HDAC4: variants seen among roughly 807,000 people sequenced by gnomAD.
HDAC4 encodes the protein histone deacetylase A.
A neutral mutation model predicts 135.1 loss-of-function variants in HDAC4; 16 were observed. The ratio of observed to expected loss-of-function variants is 0.12; its 90% confidence interval spans 0.08 to 0.18. The LOEUF (loss-of-function observed/expected upper bound fraction) is 0.18, where lower values mean the gene tolerates loss of function less well. HDAC4 is among the 10% of genes least tolerant of loss of function. HDAC4 has a pLI of 1.00. For synonymous variants in HDAC4, 685 were observed against 653.4 expected (o/e 1.05, Z -0.74); for missense variants, 1,143 against 1,511.8 (o/e 0.76, Z 4.05).
rs758680717 is a variant in HDAC4, at chr2:239,240,337, T to C, written c.23-3673A>G. On this transcript the variant is annotated intron_variant, in intron 2 of 26. Transcript: ENST00000543185. The surrounding 1 kb of genome is among the most constrained non-coding windows in gnomAD (Gnocchi z 4.5). ...GAACGCATGACGGCATCCGTGAATG[T>C]GCACAGAATAGATTCTTAACGCTGT... Among the ~76,000 whole-genome samples, 4 of 152,260 alleles carry C rather than the reference T, an allele frequency of 2.6e-5. No individual in the cohort carries two copies. The highest frequency in any genetic ancestry group is 5.9e-5 in the Non-Finnish European group (4 of 68,042).
At chr2:239,106,368 G>T (rs1308976239) in intron 15 of HDAC4, among the ~76,000 whole-genome samples, 1 of 152,202 alleles carries the variant, frequency 6.6e-6, no homozygotes, top group Non-Finnish European at 1.5e-5. Flanking sequence ...AAGGAAGCAG[G>T]TTATGGAGCT....
chr2:239,149,040 C>T (rs2041941856), intron 7 of HDAC4, among the ~76,000 whole-genome samples: 1 of 152,202 alleles, frequency 6.6e-6, no homozygotes, highest in African/African-American at 2.4e-5. Context: ...TCAGGGACGG[C>T]CGTTCTCCTA....
At position 239,068,718 on chromosome 2, in the gene HDAC4, G is replaced by T; in HGVS notation, c.2751-111C>A. The T allele has an allele frequency of 2.1e-6, 2 of 933,308 alleles. No homozygotes were observed. The highest frequency in any genetic ancestry group is 1.8e-6 in the Non-Finnish European group (1 of 568,032). 57.8% of individuals were successfully genotyped at this position (933,308 alleles called of 1,614,324 possible). A position where few individuals can be genotyped will look rare whatever the true frequency, so the allele number is the denominator to read the frequency against. On this transcript the variant is annotated intron_variant, in intron 22 of 26. Coordinates refer to ENST00000543185, the MANE Select transcript of HDAC4 (RefSeq NM_001378414.1). This position sits in a 1 kb window ranked among gnomAD's most constrained non-coding sequence, Gnocchi z 4.4. The stretch of plus-strand genomic sequence containing the variant: ...ATAATGCCTGCCCCGCACCCCCTCG[G>T]CCACTGGCGGGCTGAGGGCTCCACA...
At position 239,139,574 on chromosome 2, in the gene HDAC4, A is replaced by G. The variant is rs943065632; in HGVS notation, c.978+110T>C. The G allele has an allele frequency of 3.0e-6, 3 of 1,013,718 alleles. No individual in the cohort carries two copies. The Admixed American group carries it at 5.1e-5, about 17-fold the overall frequency. The allele number at this position is 1,013,718 out of a possible 1,614,324, so 62.8% of individuals were successfully genotyped here. On this transcript the variant is annotated intron_variant, in intron 9 of 26. Coordinates refer to ENST00000543185, the MANE Select transcript of HDAC4 (RefSeq NM_001378414.1). This position sits in a 1 kb window ranked among gnomAD's most constrained non-coding sequence, Gnocchi z 5.3. Reference sequence around the variant, plus strand: ...CTCACAGGCCACTTTCCCTCACCCCAAATTGGAAGGTGAAGAGTGAAGGGC... The same window carrying G: ...CTCACAGGCCACTTTCCCTCACCCCGAATTGGAAGGTGAAGAGTGAAGGGC...
At chr2:239,347,922 A>T (rs1361633384) in intron 2 of HDAC4, among the ~76,000 whole-genome samples, 1 of 151,656 alleles carries the variant, frequency 6.6e-6, no homozygotes, top group Non-Finnish European at 1.5e-5. Flanking sequence ...CTTCCTATCG[A>T]GAGCATCATC....
intron 2 of HDAC4, among the ~76,000 whole-genome samples, chr2:239,265,648 C>G (rs759053628): frequency 1.3e-5 from 2 of 152,204 alleles, no homozygotes; most frequent in African/African-American, 4.8e-5. Flanking sequence ...TGCCAATGCT[C>G]ACCAGGCCAC....
intron 3 of HDAC4, among the ~76,000 whole-genome samples, chr2:239,231,721 CT>C (rs1238192732): frequency 1.6e-4 from 4 of 25,372 alleles, no homozygotes; most frequent in Non-Finnish European, 2.3e-4. Flanking sequence ...CAAAGCGCCC[CT>C]GTCCTCAACC....
chr2:239,094,295 T>A (rs368063353), intron 17 of HDAC4: 2 of 985,420 alleles, frequency 2.0e-6, no homozygotes, highest in South Asian at 9.4e-5. Flanking sequence ...AGAACTCTTT[T>A]GTTATTGAGA....
rs141363182 is a variant in HDAC4, at chr2:239,087,664, G to A, written c.2389-50C>T. ...GAGAGAGCAACAAAAGACACACTTT[G>A]TAGCCACGGGAAAATGGTTGCACAC... On this transcript the variant is annotated intron_variant, in intron 18 of 26. Transcript: ENST00000543185. The A allele has an allele frequency of 1.7e-4, 271 of 1,566,368 alleles. 1 individual carries two copies. The African/African-American group carries it at 3.3e-3, about 19-fold the overall frequency.
At chr2:239,326,698 G>C (rs2053478834) in intron 2 of HDAC4, among the ~76,000 whole-genome samples, 4 of 152,152 alleles carry the variant, frequency 2.6e-5, no homozygotes, top group Admixed American at 6.5e-5. Flanking sequence ...AGAATAAATG[G>C]CAAAGCAAGG....
At chr2:239,216,575 T>C (rs1473421547) in intron 3 of HDAC4, among the ~76,000 whole-genome samples, 1 of 152,254 alleles carries the variant, frequency 6.6e-6, no homozygotes, top group Non-Finnish European at 1.5e-5. Context: ...TTTTATGTGA[T>C]GCTGAATATT....
intron 2 of HDAC4, among the ~76,000 whole-genome samples, chr2:239,249,388 C>T (rs1452675370): frequency 6.6e-6 from 1 of 152,154 alleles, no homozygotes. Flanking sequence ...CATCAGGACT[C>T]TGCGATGGAC....
intron 2 of HDAC4, among the ~76,000 whole-genome samples, chr2:239,325,400 T>C (rs1460092449): frequency 2.6e-5 from 4 of 152,132 alleles, no homozygotes; most frequent in Admixed American, 6.5e-5. Context: ...AATTCAAATA[T>C]GGGCAAAAGA....
chr2:239,396,747 C>T (rs1413444921), intron 1 of HDAC4, among the ~76,000 whole-genome samples: 6 of 152,208 alleles, frequency 3.9e-5, no homozygotes, highest in Non-Finnish European at 8.8e-5. Flanking sequence ...CCTATTAAAT[C>T]TGTCAAGATT....
chr2:239,221,894 AACAGGTCAC>A (rs1207593770), intron 3 of HDAC4, among the ~76,000 whole-genome samples: 18 of 152,268 alleles, frequency 1.2e-4, no homozygotes, highest in Non-Finnish European at 2.5e-4. Context: ...AACTTTCCTT[AACAGGTCAC>A]TTAAAAGGCT....
At chr2:239,070,047 T>A (rs1422127375) in intron 22 of HDAC4, among the ~76,000 whole-genome samples, 2 of 134,198 alleles carry the variant, frequency 1.5e-5, no homozygotes, top group African/African-American at 5.5e-5. Flanking sequence ...TGAGACTGGG[T>A]CAGCTCCACT....
chr2:239,216,093 A>C (rs2046617100), intron 3 of HDAC4, among the ~76,000 whole-genome samples: 1 of 152,206 alleles, frequency 6.6e-6, no homozygotes, highest in South Asian at 2.1e-4. Flanking sequence ...CATTGTATAT[A>C]GCTTTTACAT....
At chr2:239,287,789 T>A (rs2051220519) in intron 2 of HDAC4, among the ~76,000 whole-genome samples, 1 of 152,046 alleles carries the variant, frequency 6.6e-6, no homozygotes, top group Non-Finnish European at 1.5e-5. Context: ...TGAAAACGGG[T>A]ACACAGAGAC....
intron 2 of HDAC4, among the ~76,000 whole-genome samples, chr2:239,269,224 C>A (rs761183425): frequency 3.3e-5 from 5 of 150,516 alleles, no homozygotes; most frequent in Non-Finnish European, 7.4e-5. Flanking sequence ...CATTCACACA[C>A]CCACATACAT....
Sources: allele counts gnomAD v4.1 joint callset (sites outside exome capture counted in the v4.1 genomes callset), GRCh38; gene constraint gnomAD v4.1.1; non-coding constraint Gnocchi (gnomAD v3.1); transcripts MANE v1.5; gene names NCBI Gene and HGNC (gene_info 2026-07-23, HGNC 2026-07-21).